The following AJM1 variants were observed in gnomAD, a reference collection of about 807,000 sequenced individuals.
AJM1 encodes the protein uncharacterized protein C9orf172.
Under a neutral mutation model 43.0 loss-of-function variants are expected in AJM1, and 22 were observed. The observed-to-expected ratio is 0.51, with a 90% CI of 0.37 to 0.73. AJM1 has a LOEUF of 0.73. AJM1 is among the 30% of genes least tolerant of loss of function. The probability of loss-of-function intolerance (pLI) is 0.00; values close to 1 mark genes in which losing one functional copy is unlikely to be tolerated. For missense variants in AJM1, 1,305 were observed against 1,343.3 expected (o/e 0.97, Z 0.45); for synonymous variants, 719 against 638.3 (o/e 1.13, Z -1.91).
In AJM1 at chr9:136,847,538, C is replaced by CA; in HGVS notation, c.*194dup. On this transcript the variant is annotated 3_prime_UTR_variant, in exon 3 of 3. Transcript: ENST00000436881. ...CGGCCTCCAGCTCCGCCCAGGCCCC[C>CA]ACCCCCCGGCCCTTCGTCCCCGTAG... is the stretch of plus-strand genomic sequence containing the variant. The CA allele has an allele frequency of 2.0e-6, 1 of 502,124 alleles. No homozygotes were observed. The allele number at this position is 502,124 out of a possible 1,614,324, so 31.1% of individuals were successfully genotyped here. A position where few individuals can be genotyped will look rare whatever the true frequency, so the allele number is the denominator to read the frequency against.
chr9:136,846,469 C>G lies in AJM1; in HGVS notation c.2055C>G (p.Ser685=). The change falls in exon 3 of 3, where the codon TCC becomes TCG. Residue 685 remains serine (S), a synonymous_variant. Coordinates refer to ENST00000436881, the MANE Select transcript of AJM1 (RefSeq NM_001080482.5). ...TMFNACLYFK[S]CHSCYTYYCS... ...TCAACGCCTGCCTCTACTTCAAGTC[C>G]TGCCACAGCTGCTACACCTACTACT... 1 of 1,593,398 alleles carries G rather than the reference C, an allele frequency of 6.3e-7. No individual in the cohort carries two copies. Among genetic ancestry groups the G allele is most frequent in the Non-Finnish European group, 8.5e-7 (1 of 1,177,220 alleles).
chr9:136,844,262 C>T lies in AJM1; in HGVS notation c.-77C>T, dbSNP rs1848736990. 6.6e-6 allele frequency among the ~76,000 whole-genome samples: 1 copy of T among 152,216 alleles called. No homozygotes were observed. Among genetic ancestry groups the T allele is most frequent in the Non-Finnish European group, 1.5e-5 (1 of 68,032 alleles). On this transcript the variant is annotated 5_prime_UTR_variant, in exon 2 of 3. Transcript: ENST00000436881. ...GCCCAGGCCCGCAGCCAGGGCTGCT[C>T]CGCCCGCTGCGCCCCAGGTAAGCCG...
chr9:136,845,462 C>A lies in AJM1; in HGVS notation c.1048C>A (p.Arg350=). The change falls in exon 3 of 3, where the codon CGA becomes AGA. Residue 350 remains arginine, a synonymous_variant. Coordinates refer to ENST00000436881, the MANE Select transcript of AJM1 (RefSeq NM_001080482.5). ...PSRSYYGEAP[R]AYGLPYGPRY... is the part of the protein sequence containing the mutation. ...CCGCTCCTACTATGGGGAGGCTCCA[C>A]GAGCCTACGGCCTGCCCTACGGGCC... 7.5e-6 allele frequency: 12 copies of A among 1,609,126 alleles called. No homozygotes were observed. The highest frequency in any genetic ancestry group is 1.0e-5 in the Non-Finnish European group (12 of 1,178,626).
At position 136,846,806 on chromosome 9, in the gene AJM1, G is replaced by A. The variant is rs560753956; in HGVS notation, c.2392G>A (p.Glu798Lys). The A allele has an allele frequency of 4.1e-5, 66 of 1,592,392 alleles. No individual in the cohort carries two copies. The highest frequency in any genetic ancestry group is 4.9e-5 in the Non-Finnish European group (58 of 1,175,750). Residue 798 changes from glutamate to lysine, a missense_variant, in exon 3 of 3, where the codon GAG (glutamate) becomes AAG (lysine). Transcript: ENST00000436881. Reference sequence around the variant, plus strand: ...GGCGCCCCTGGGCAGCTACGCGCGCGAGCTGGCGGCCGCTGGGCGCCTCTA... The same window carrying A: ...GGCGCCCCTGGGCAGCTACGCGCGCAAGCTGGCGGCCGCTGGGCGCCTCTA... ...HAAPLGSYAR[E>K]LAAAGRLYEP...
At chr9:136,843,407 C>T (rs1015382866) in intron 1 of AJM1, among the ~76,000 whole-genome samples, 62 of 152,368 alleles carry the variant, frequency 4.1e-4, no homozygotes, top group African/African-American at 1.3e-3. Context: ...GGGCCCTCTC[C>T]TGCAAAGCAG....
Position 136,846,469 on chromosome 9 carries a change from C to T in AJM1, c.2055C>T (p.Ser685=). 6.3e-7 allele frequency: 1 copy of T among 1,593,398 alleles called. No homozygotes were observed. The highest frequency in any genetic ancestry group is 8.5e-7 in the Non-Finnish European group (1 of 1,177,220). ...TMFNACLYFK[S]CHSCYTYYCS... The stretch of plus-strand genomic sequence containing the variant: ...TCAACGCCTGCCTCTACTTCAAGTC[C>T]TGCCACAGCTGCTACACCTACTACT... Residue 685 remains serine, a synonymous_variant, in exon 3 of 3, where the codon TCC becomes TCT. Coordinates refer to ENST00000436881, the MANE Select transcript of AJM1 (RefSeq NM_001080482.5).
chr9:136,844,573 C>G lies in AJM1; in HGVS notation c.159C>G (p.Phe53Leu), dbSNP rs1422664186. ...APFNKRHCRS[F>L]DFLEALDGPA... ...TCAACAAGCGCCACTGCCGCAGCTT[C>G]GACTTCCTGGAGGCGCTGGACGGGC... is the stretch of plus-strand genomic sequence containing the variant. The change falls in exon 3 of 3, where the codon TTC becomes TTG. Residue 53 changes from phenylalanine (F) to leucine (L), a missense_variant. By Grantham distance (22) the Phe-to-Leu change is conservative (BLOSUM62 0). Around this residue, in one of 6 missense-constraint regions of AJM1, gnomAD observed 128 missense variants for 120.6 expected, o/e 1.06. Coordinates refer to ENST00000436881, the MANE Select transcript of AJM1 (RefSeq NM_001080482.5). The G allele has an allele frequency of 7.5e-6, 12 of 1,599,086 alleles. No individual in the cohort carries two copies. The highest frequency in any genetic ancestry group is 1.0e-5 in the Non-Finnish European group (12 of 1,174,618).
At position 136,848,650 on chromosome 9, in the gene AJM1, C is replaced by G. The variant is rs560498558; in HGVS notation, c.*1305C>G. 1 of 152,954 alleles carries G rather than the reference C, an allele frequency of 6.5e-6. No individual in the cohort carries two copies. The highest frequency in any genetic ancestry group is 1.5e-5 in the Non-Finnish European group (1 of 68,218). The allele number at this position is 152,954 out of a possible 1,614,324, so 9.5% of individuals were successfully genotyped here. On this transcript the variant is annotated 3_prime_UTR_variant, in exon 3 of 3. Coordinates refer to ENST00000436881, the MANE Select transcript of AJM1 (RefSeq NM_001080482.5). ...GCGCGTCTGCACCGGCCAGGCGTCC[C>G]GCTTGCCCACCCGCCGCCGCGCCCC... is the stretch of plus-strand genomic sequence containing the variant.
chr9:136,845,575 C>T lies in AJM1; in HGVS notation c.1161C>T (p.Val387=). The change falls in exon 3 of 3, where the codon GTC becomes GTT. Residue 387 remains valine (V), a synonymous_variant. Transcript: ENST00000436881. ...EDFGRYRERD[V]LARTYPHPRS... ...TCGGAAGGTACCGCGAGCGTGACGT[C>T]CTGGCTCGGACGTACCCGCACCCGC... The T allele has an allele frequency of 1.9e-6, 3 of 1,588,568 alleles. No homozygotes were observed. Among genetic ancestry groups the T allele is most frequent in the South Asian group, 1.1e-5 (1 of 88,528 alleles).
At position 136,844,942 on chromosome 9, in the gene AJM1, A is replaced by C. The variant is rs1277922935; in HGVS notation, c.528A>C (p.Pro176=). 2.3e-6 allele frequency: 1 copy of C among 444,388 alleles called. No individual in the cohort carries two copies. The highest frequency in any genetic ancestry group is 2.1e-5 in the African/African-American group (1 of 47,704). 27.5% of individuals were successfully genotyped at this position (444,388 alleles called of 1,614,324 possible). A position where few individuals can be genotyped will look rare whatever the true frequency, so the allele number is the denominator to read the frequency against. Residue 176 remains proline, a synonymous_variant, in exon 3 of 3, where the codon CCA becomes CCC. Coordinates refer to ENST00000436881, the MANE Select transcript of AJM1 (RefSeq NM_001080482.5). ...AAAGRCAPPE[P]PAGPAPHVRC... ...CGGGCCGCTGCGCACCGCCCGAGCCACCCGCGGGTCCCGCCCCCCACGTGC... is the reference window on the plus strand; with the variant it reads ...CGGGCCGCTGCGCACCGCCCGAGCCCCCCGCGGGTCCCGCCCCCCACGTGC...
Position 136,846,332 on chromosome 9 carries a change from G to A in AJM1, c.1918G>A (p.Glu640Lys). The change falls in exon 3 of 3, where the codon GAG becomes AAG. Residue 640 changes from glutamate (E) to lysine (K), a missense_variant. Physicochemically the swap from Glu to Lys is moderately conservative, Grantham distance 56. This residue lies in a region of AJM1 where 391 missense variants were observed against 507.5 expected (regional missense o/e 0.77). Transcript: ENST00000436881. The stretch of plus-strand genomic sequence containing the variant: ...GCCCCCCGCCTCGGCCGGCAGCGCC[G>A]AGGAGCCCGCGGCCCCGGGAGAGGC... ...RSPPASAGSA[E>K]EPAAPGEAAD... The A allele has an allele frequency of 7.0e-6, 9 of 1,287,262 alleles. No individual in the cohort carries two copies. Among genetic ancestry groups the A allele is most frequent in the South Asian group, 4.3e-5 (2 of 47,028 alleles). 79.7% of individuals were successfully genotyped at this position (1,287,262 alleles called of 1,614,324 possible). A position where few individuals can be genotyped will look rare whatever the true frequency, so the allele number is the denominator to read the frequency against.
chr9:136,847,273 G>T lies in AJM1; in HGVS notation c.2859G>T (p.Met953Ile). The change falls in exon 3 of 3, where the codon ATG becomes ATT. Residue 953 changes from methionine (M) to isoleucine (I), a missense_variant. Physicochemically the swap from Met to Ile is conservative, Grantham distance 10. Around this residue, in one of 6 missense-constraint regions of AJM1, gnomAD observed 116 missense variants for 113.4 expected, o/e 1.02. Transcript: ENST00000436881. Reference sequence around the variant, plus strand: ...GCACCGGCCGCCCCTTCATGTGCATGATCATGGCCGCCTCCGAGCCGCGCG... The same window carrying T: ...GCACCGGCCGCCCCTTCATGTGCATTATCATGGCCGCCTCCGAGCCGCGCG... ...DRRTGRPFMC[M>I]IMAASEPRAL... is the part of the protein sequence containing the mutation. The T allele has an allele frequency of 6.3e-7, 1 of 1,583,596 alleles. No homozygotes were observed. The highest frequency in any genetic ancestry group is 1.1e-5 in the South Asian group (1 of 88,106).
In AJM1 at chr9:136,844,740, C is replaced by G; in HGVS notation, c.326C>G (p.Ser109Trp). Residue 109 changes from serine to tryptophan, a missense_variant, in exon 3 of 3, where the codon TCG (serine) becomes TGG (tryptophan). This residue lies in a region of AJM1 where 653 missense variants were observed against 549.1 expected (regional missense o/e 1.19). Coordinates refer to ENST00000436881, the MANE Select transcript of AJM1 (RefSeq NM_001080482.5). ...CCGGGCCTGACGCCCGCGCCCGCCTCGCCGCCGGTGTTGCCCCGCCGAGGG... is the reference window on the plus strand; with the variant it reads ...CCGGGCCTGACGCCCGCGCCCGCCTGGCCGCCGGTGTTGCCCCGCCGAGGG... ...APPGLTPAPA[S>W]PPVLPRRGRE... 1 of 604,772 alleles carries G rather than the reference C, an allele frequency of 1.7e-6. No individual in the cohort carries two copies. Among genetic ancestry groups the G allele is most frequent in the Non-Finnish European group, 2.1e-6 (1 of 471,524 alleles). 37.5% of individuals were successfully genotyped at this position (604,772 alleles called of 1,614,324 possible). A position where few individuals can be genotyped will look rare whatever the true frequency, so the allele number is the denominator to read the frequency against.
rs1848775510 is a variant in AJM1, at chr9:136,846,401, A to T, written c.1987A>T (p.Met663Leu). The change falls in exon 3 of 3, where the codon ATG becomes TTG. Residue 663 changes from methionine to leucine, a missense_variant. This residue lies in a region of AJM1 where 391 missense variants were observed against 507.5 expected (regional missense o/e 0.77). Coordinates refer to ENST00000436881, the MANE Select transcript of AJM1 (RefSeq NM_001080482.5). ...ACCCAGCGCCGACGAGGACGACCTG[A>T]TGACCTGCTCCAATGCGCGCTGCCG... ...PEPSADEDDL[M>L]TCSNARCRRT... 1 of 1,573,720 alleles carries T rather than the reference A, an allele frequency of 6.4e-7. No homozygotes were observed. Among genetic ancestry groups the T allele is most frequent in the African/African-American group, 1.4e-5 (1 of 72,466 alleles).
intron 1 of AJM1, among the ~76,000 whole-genome samples, chr9:136,843,055 G>A (rs1021514247): frequency 2.0e-5 from 3 of 150,350 alleles, no homozygotes; most frequent in South Asian, 2.1e-4. Context: ...CCTGGGACTC[G>A]TGGCCCTGAC....
At position 136,845,370 on chromosome 9, in the gene AJM1, G is replaced by A. The variant is rs747363781; in HGVS notation, c.956G>A (p.Ser319Asn). ...CCGTCCGAGGAGCTCTCGGGGCCCA[G>A]TCCAAGGCGCATGGGCGGCTACTAC... The part of the protein sequence containing the change: ...PYPSEELSGP[S>N]PRRMGGYYAG... The change falls in exon 3 of 3, where the codon AGT (serine) becomes AAT (asparagine). Residue 319 changes from serine (S) to asparagine (N), a missense_variant. Physicochemically the swap from Ser to Asn is conservative, Grantham distance 46 (BLOSUM62 1). This residue lies in a region of AJM1 where 653 missense variants were observed against 549.1 expected (regional missense o/e 1.19). Transcript: ENST00000436881. 7 of 1,612,324 alleles carry A rather than the reference G, an allele frequency of 4.3e-6. No homozygotes were observed. Among genetic ancestry groups the A allele is most frequent in the Middle Eastern group, 1.7e-4 (1 of 5,838 alleles).
At position 136,844,503 on chromosome 9, in the gene AJM1, C is replaced by T. The variant is rs765087059; in HGVS notation, c.89C>T (p.Ser30Leu). Residue 30 changes from serine (S) to leucine (L), a missense_variant, in exon 3 of 3, where the codon TCG becomes TTG. Coordinates refer to ENST00000436881, the MANE Select transcript of AJM1 (RefSeq NM_001080482.5). ...VATPGPASKCSPCERSVARPA... is the reference protein window; with the variant it reads ...VATPGPASKCLPCERSVARPA... ...ACCCCGGGACCCGCGTCCAAGTGCT[C>T]GCCATGTGAGCGATCCGTGGCCCGG... 4.3e-6 allele frequency: 7 copies of T among 1,610,060 alleles called. No homozygotes were observed. The African/African-American group carries it at 6.7e-5, about 15-fold the overall frequency.
Position 136,846,800 on chromosome 9 carries a change from G to C in AJM1, c.2386G>C (p.Ala796Pro), listed in dbSNP as rs1431223914. The C allele has an allele frequency of 2.5e-6, 4 of 1,593,110 alleles. No homozygotes were observed. The highest frequency in any genetic ancestry group is 3.4e-6 in the Non-Finnish European group (4 of 1,175,908). The change falls in exon 3 of 3, where the codon GCG becomes CCG. Residue 796 changes from alanine to proline, a missense_variant. By Grantham distance (27) the Ala-to-Pro change is conservative. Around this residue, in one of 6 missense-constraint regions of AJM1, gnomAD observed 391 missense variants for 507.5 expected, o/e 0.77. Coordinates refer to ENST00000436881, the MANE Select transcript of AJM1 (RefSeq NM_001080482.5). The stretch of plus-strand genomic sequence containing the variant: ...ACACGCGGCGCCCCTGGGCAGCTAC[G>C]CGCGCGAGCTGGCGGCCGCTGGGCG... The part of the protein sequence containing the change: ...ATHAAPLGSY[A>P]RELAAAGRLY...
Position 136,844,295 on chromosome 9 carries a change from G to A in AJM1, c.-60+16G>A. The A allele has an allele frequency of 1.2e-6, 1 of 823,220 alleles. No individual in the cohort carries two copies. The allele number at this position is 823,220 out of a possible 1,614,324, so 51.0% of individuals were successfully genotyped here. A position where few individuals can be genotyped will look rare whatever the true frequency, so the allele number is the denominator to read the frequency against. On this transcript the variant is annotated intron_variant, in intron 2 of 2. Coordinates refer to ENST00000436881, the MANE Select transcript of AJM1 (RefSeq NM_001080482.5). ...TGCGCCCCAGGTAAGCCGGGCCAGCGTGGGGGAGTAGCGGGGCCTGGGCTG... is the reference window on the plus strand; with the variant it reads ...TGCGCCCCAGGTAAGCCGGGCCAGCATGGGGGAGTAGCGGGGCCTGGGCTG...
Sources: allele counts gnomAD v4.1 joint callset (sites outside exome capture counted in the v4.1 genomes callset), GRCh38; gene constraint gnomAD v4.1.1; regional missense constraint gnomAD v4.1.1; transcripts MANE v1.5; gene names NCBI Gene and HGNC (gene_info 2026-07-23, HGNC 2026-07-21).